The following RNF2 variants were observed in gnomAD, a reference collection of about 807,000 sequenced individuals.
RNF2 encodes the protein E3 ubiquitin-protein ligase RING2.
Under a neutral mutation model 37.2 loss-of-function variants are expected in RNF2, and 6 were observed. That is an observed-to-expected ratio of 0.16 (90% CI 0.09 to 0.32). The LOEUF (loss-of-function observed/expected upper bound fraction) is 0.32. Ranked by LOEUF, RNF2 falls within the 10% of genes least tolerant of loss-of-function variation. RNF2 has a pLI of 1.00. For missense variants in RNF2, 251 were observed against 404.0 expected, an observed-to-expected ratio of 0.62 and a Z score of 3.25; for synonymous variants, 133 against 132.7, an observed-to-expected ratio of 1.00 and a Z score of -0.02.
intron 1 of RNF2, among the ~76,000 whole-genome samples, chr1:185,070,326 T>G (rs1261164392): frequency 6.6e-6 from 1 of 152,222 alleles, no homozygotes; most frequent in Non-Finnish European, 1.5e-5. Context: ...AGAGCAAGGA[T>G]GCAAATCCAA....
chr1:185,076,918 G>T (rs1273461362), intron 1 of RNF2, among the ~76,000 whole-genome samples: 1 of 151,774 alleles, frequency 6.6e-6, no homozygotes, highest in African/African-American at 2.4e-5. Flanking sequence ...CTGGTATTTT[G>T]ATTGGGATTG....
intron 1 of RNF2, among the ~76,000 whole-genome samples, chr1:185,076,765 T>C (rs1379215571): frequency 6.6e-6 from 1 of 152,122 alleles, no homozygotes. Context: ...TTGATCTGTT[T>C]TTCTTTTTCT....
intron 1 of RNF2, among the ~76,000 whole-genome samples, chr1:185,072,753 A>G (rs978371175): frequency 6.6e-6 from 1 of 152,136 alleles, no homozygotes; most frequent in African/African-American, 2.4e-5. Context: ...ATCCTGGCTA[A>G]CACAGTGAAA....
At chr1:185,059,710 T>A (rs1382682826) in intron 1 of RNF2, among the ~76,000 whole-genome samples, 1 of 152,166 alleles carries the variant, frequency 6.6e-6, no homozygotes, top group Non-Finnish European at 1.5e-5. Context: ...CCTCTGACAT[T>A]TACTATGAGA....
At chr1:185,049,094 C>T (rs886797273) in intron 1 of RNF2, among the ~76,000 whole-genome samples, 1 of 152,012 alleles carries the variant, frequency 6.6e-6, no homozygotes, top group Non-Finnish European at 1.5e-5. Flanking sequence ...GGCATAGTGG[C>T]GCGCGCCTGT....
At chr1:185,095,713 T>G (rs532206988) in intron 4 of RNF2, among the ~76,000 whole-genome samples, 1 of 152,362 alleles carries the variant, frequency 6.6e-6, no homozygotes, top group African/African-American at 2.4e-5. Flanking sequence ...TGAATTAAAA[T>G]TAGTCTCTTG....
chr1:185,048,517 T>G (rs1196587069), intron 1 of RNF2, among the ~76,000 whole-genome samples: 1 of 152,240 alleles, frequency 6.6e-6, no homozygotes, highest in Non-Finnish European at 1.5e-5. Context: ...TTATCTGTAT[T>G]AAGTACAATG....
chr1:185,065,048 G>A (rs958013556), intron 1 of RNF2, among the ~76,000 whole-genome samples: 1 of 152,098 alleles, frequency 6.6e-6, no homozygotes, highest in Non-Finnish European at 1.5e-5. Context: ...GGGTCGGGTG[G>A]GGACTTGGAG....
intron 5 of RNF2, 54 bp downstream of exon 5, chr1:185,098,398 G>T (rs2102208927): frequency 6.3e-7 from 1 of 1,576,228 alleles, no homozygotes; most frequent in South Asian, 1.2e-5. Context: ...TTAATTTGGA[G>T]GTAAAAGGCA....
At chr1:185,053,359 A>G (rs1335003502) in intron 1 of RNF2, among the ~76,000 whole-genome samples, 2 of 150,704 alleles carry the variant, frequency 1.3e-5, no homozygotes, top group African/African-American at 2.4e-5. Context: ...TTTAAGAGAC[A>G]GGATCTTGCT....
chr1:185,047,527 C>T (rs1297652535), intron 1 of RNF2, among the ~76,000 whole-genome samples: 1 of 152,178 alleles, frequency 6.6e-6, no homozygotes, highest in African/African-American at 2.4e-5. Context: ...TTATATTATG[C>T]AGACTTTGGA....
intron 1 of RNF2, among the ~76,000 whole-genome samples, chr1:185,058,663 T>C (rs78276836): frequency 0.015 from 2,234 of 152,360 alleles, 39 homozygotes; most frequent in African/African-American, 0.05. Context: ...AGTTTTTCTT[T>C]ATTGTGTTAT....
At chr1:185,070,208 CTCAT>C (rs540730236) in intron 1 of RNF2, among the ~76,000 whole-genome samples, 84 of 152,234 alleles carry the variant, frequency 5.5e-4, no homozygotes, top group African/African-American at 1.9e-3. Flanking sequence ...ATATGAATAT[CTCAT>C]TCAGTTTTGC....
At chr1:185,045,868 G>A (rs895273393) in intron 1 of RNF2, among the ~76,000 whole-genome samples, 2 of 152,190 alleles carry the variant, frequency 1.3e-5, no homozygotes, top group African/African-American at 4.8e-5. Context: ...GTCTTCGAGG[G>A]TCGTGGGAGG....
chr1:185,060,341 T>C (rs1157915824), intron 1 of RNF2, among the ~76,000 whole-genome samples: 1 of 152,200 alleles, frequency 6.6e-6, no homozygotes, highest in African/African-American at 2.4e-5. Context: ...GGTGTCAGCA[T>C]AGAGTGGCAG....
chr1:185,050,261 G>A (rs1052885867), intron 1 of RNF2, among the ~76,000 whole-genome samples: 42 of 152,358 alleles, frequency 2.8e-4, no homozygotes, highest in African/African-American at 1.0e-3. Context: ...AAGTGGCAAT[G>A]ACAAACTACT....
At chr1:185,054,006 C>G (rs1030708358) in intron 1 of RNF2, among the ~76,000 whole-genome samples, 2 of 152,148 alleles carry the variant, frequency 1.3e-5, no homozygotes, top group African/African-American at 4.8e-5. Flanking sequence ...CCCCCCCCAC[C>G]CAGTGTTTCT....
chr1:185,098,369 TTATC>T, intron 5 of RNF2, 25 bp downstream of exon 5: 1 of 1,604,606 alleles, frequency 6.2e-7, no homozygotes, highest in South Asian at 1.1e-5. Context: ...TAGTTTCAGA[TTATC>T]TAAATTCAGA....
chr1:185,045,756 G>C (rs1271581932), intron 1 of RNF2, 107 bp downstream of exon 1: 2 of 152,260 alleles, frequency 1.3e-5, no homozygotes, highest in Non-Finnish European at 2.9e-5. Flanking sequence ...AGTGTGGGGG[G>C]GGTGTGTGTC....
Sources: gnomAD v4.1 joint callset for allele counts (sites outside exome capture counted in the v4.1 genomes callset) on GRCh38, gnomAD v4.1.1 for gene constraint, MANE v1.5 for transcripts, NCBI Gene and HGNC (gene_info 2026-07-23, HGNC 2026-07-21) for gene names.